ARID2: variants seen among roughly 807,000 people sequenced by gnomAD.
The protein encoded by ARID2 is AT-rich interaction domain 2, also known as AT-rich interactive domain-containing protein 2.
ARID2 carries 32 observed loss-of-function variants against 184.6 expected under a neutral mutation model. The observed-to-expected ratio is 0.17, with a 90% CI of 0.13 to 0.23. The LOEUF is 0.23. ARID2 is among the 10% of genes least tolerant of loss of function. The probability of loss-of-function intolerance (pLI) is 1.00; values close to 1 mark genes in which losing one functional copy is unlikely to be tolerated. For missense variants in ARID2, 1,696 were observed against 2,197.6 expected, an observed-to-expected ratio of 0.77 and a Z score of 4.56; for synonymous variants, 836 against 772.6, an observed-to-expected ratio of 1.08 and a Z score of -1.36.
rs867204556 is a variant in ARID2, at chr12:45,907,227, T to G, written c.*2149T>G. 4.3e-6 allele frequency: 1 copy of G among 232,938 alleles called. No individual in the cohort carries two copies. Among genetic ancestry groups the G allele is most frequent in the African/African-American group, 2.2e-5 (1 of 45,448 alleles). 14.4% of individuals were successfully genotyped at this position (232,938 alleles called of 1,614,324 possible). On this transcript the variant is annotated 3_prime_UTR_variant, in exon 21 of 21. Coordinates refer to ENST00000334344, the MANE Select transcript of ARID2 (RefSeq NM_152641.4). Reference sequence around the variant, plus strand: ...ACTTACAAGCACCTGGTAGTTGACATCATATGGGGAATTTTCTATTCACCG... The same window carrying G: ...ACTTACAAGCACCTGGTAGTTGACAGCATATGGGGAATTTTCTATTCACCG...
chr12:45,816,947 G>A (rs1942814219), intron 4 of ARID2, among the ~76,000 whole-genome samples: 1 of 152,206 alleles, frequency 6.6e-6, no homozygotes, highest in Non-Finnish European at 1.5e-5. Context: ...TGACTGTGAT[G>A]ATTAAAACTA....
intron 3 of ARID2, among the ~76,000 whole-genome samples, chr12:45,782,748 G>C (rs902157308): frequency 6.6e-6 from 1 of 152,050 alleles, no homozygotes; most frequent in Admixed American, 6.6e-5. Flanking sequence ...GTGTCTGTAG[G>C]CTGACCTGTT....
chr12:45,799,791 A>G (rs1333748968), intron 3 of ARID2, among the ~76,000 whole-genome samples: 1 of 152,216 alleles, frequency 6.6e-6, no homozygotes, highest in Non-Finnish European at 1.5e-5. Flanking sequence ...GAACAAAGCA[A>G]CACATTACAT....
In ARID2 at chr12:45,860,361, C is replaced by CA. The variant is rs1362014361; in HGVS notation, c.4774-439dup. On this transcript the variant is annotated intron_variant, in intron 15 of 20. Transcript: ENST00000334344. ...ATCTAAAATTTTCATTGCTTTTTAC[C>CA]ATATTGTTTCACATTATATTCTTTA... Among the ~76,000 whole-genome samples the CA allele has an allele frequency of 2.6e-5, 4 of 152,132 alleles. No individual in the cohort carries two copies. The East Asian group carries it at 7.7e-4, about 29-fold the overall frequency.
chr12:45,744,862 A>G (rs1364063248), intron 3 of ARID2, among the ~76,000 whole-genome samples: 1 of 152,186 alleles, frequency 6.6e-6, no homozygotes, highest in Non-Finnish European at 1.5e-5. Context: ...AGTATATTTG[A>G]TCCTCACAAT....
At chr12:45,823,191 T>C (rs927554921) in intron 6 of ARID2, among the ~76,000 whole-genome samples, 1 of 151,968 alleles carries the variant, frequency 6.6e-6, no homozygotes, top group East Asian at 1.9e-4. Context: ...CAGATGTTAA[T>C]ACAAGAAAAT....
chr12:45,789,934 C>G (rs1322943605), intron 3 of ARID2, among the ~76,000 whole-genome samples: 2 of 152,102 alleles, frequency 1.3e-5, no homozygotes, highest in East Asian at 3.9e-4. Flanking sequence ...CTGGGCAACA[C>G]AGCAAGCTCC....
At chr12:45,880,490 TA>T (rs2086179206) in intron 16 of ARID2, among the ~76,000 whole-genome samples, 1 of 152,230 alleles carries the variant, frequency 6.6e-6, no homozygotes, top group South Asian at 2.1e-4. Context: ...AAGGTATAAT[TA>T]CTCCTACTGT....
chr12:45,878,556 G>GT (rs1207127144), intron 16 of ARID2, among the ~76,000 whole-genome samples: 3 of 151,760 alleles, frequency 2.0e-5, no homozygotes, highest in African/African-American at 7.3e-5. Flanking sequence ...TTCTGTTACA[G>GT]TTTTTTTCAT....
rs2138177136 is a variant in ARID2 at position 45,852,236 on chromosome 12, T to A, written c.4113T>A (p.His1371Gln). ...ICDFDKGDGSHLSKNIPNHKT... is the reference protein window; with the variant it reads ...ICDFDKGDGSQLSKNIPNHKT... The stretch of plus-strand genomic sequence containing the variant: ...ATTTTGATAAAGGAGATGGTTCTCA[T>A]TTAAGCAAAAACATTCCAAATCATA... Residue 1371 changes from histidine to glutamine, a missense_variant, in exon 15 of 21, where the codon CAT (histidine) becomes CAA (glutamine). This residue lies in a region of ARID2 where 428 missense variants were observed against 409.1 expected (regional missense o/e 1.05). Coordinates refer to ENST00000334344, the MANE Select transcript of ARID2 (RefSeq NM_152641.4). 1 of 1,614,110 alleles carries A rather than the reference T, an allele frequency of 6.2e-7. No individual in the cohort carries two copies. Among genetic ancestry groups the A allele is most frequent in the Non-Finnish European group, 8.5e-7 (1 of 1,180,006 alleles).
intron 3 of ARID2, among the ~76,000 whole-genome samples, chr12:45,736,187 C>T (rs962702818): frequency 1.3e-5 from 2 of 152,096 alleles, no homozygotes; most frequent in Admixed American, 6.6e-5. Flanking sequence ...GAAACCCTGT[C>T]TCTACTAAAA....
At chr12:45,833,079 A>G (rs963268365) in intron 6 of ARID2, among the ~76,000 whole-genome samples, 2 of 152,096 alleles carry the variant, frequency 1.3e-5, no homozygotes, top group African/African-American at 4.8e-5. Context: ...TGTGTACTTA[A>G]TTGTGGATAT....
chr12:45,846,402 T>C (rs1294591215), intron 11 of ARID2, among the ~76,000 whole-genome samples: 8 of 152,162 alleles, frequency 5.3e-5, no homozygotes, highest in African/African-American at 1.9e-4. Context: ...AGCTGCGTTC[T>C]GCTTCCGTAG....
At chr12:45,780,333 TAG>T (rs1396074676) in intron 3 of ARID2, among the ~76,000 whole-genome samples, 35 of 152,322 alleles carry the variant, frequency 2.3e-4, no homozygotes, top group African/African-American at 8.2e-4. Context: ...AATGGCCTTA[TAG>T]TTAAAGAATG....
intron 5 of ARID2, among the ~76,000 whole-genome samples, chr12:45,820,012 G>A (rs1293022973): frequency 6.6e-6 from 1 of 152,048 alleles, no homozygotes; most frequent in East Asian, 1.9e-4. Context: ...CCAGAGTGCT[G>A]GGATTACAGG....
intron 15 of ARID2, among the ~76,000 whole-genome samples, chr12:45,857,291 A>C (rs925426718): frequency 6.6e-6 from 1 of 152,218 alleles, no homozygotes; most frequent in African/African-American, 2.4e-5. Context: ...AGCTTGAGAA[A>C]GTTACTCAAC....
At chr12:45,897,354 C>T (rs192115197) in intron 20 of ARID2, among the ~76,000 whole-genome samples, 125 of 152,176 alleles carry the variant, frequency 8.2e-4, no homozygotes, top group African/African-American at 2.9e-3. Context: ...GATATGACAC[C>T]AAAGACACAG....
chr12:45,743,262 G>A (rs11830196), intron 3 of ARID2, among the ~76,000 whole-genome samples: 2,162 of 151,962 alleles, frequency 0.014, 57 homozygotes, highest in African/African-American at 0.049. Flanking sequence ...CCAGCTACTC[G>A]GGAGGCTGAA....
chr12:45,800,152 T>G (rs1432658870), intron 3 of ARID2, among the ~76,000 whole-genome samples: 1 of 152,108 alleles, frequency 6.6e-6, no homozygotes, highest in East Asian at 1.9e-4. Flanking sequence ...GCCCAGAAAA[T>G]TTAATTTTCG....
Sources: gnomAD v4.1 joint callset for allele counts (sites outside exome capture counted in the v4.1 genomes callset) on GRCh38, gnomAD v4.1.1 for gene constraint, gnomAD v4.1.1 regional missense constraint, MANE v1.5 for transcripts, NCBI Gene and HGNC (gene_info 2026-07-23, HGNC 2026-07-21) for gene names.